Variants in TICRR observed in about 807,000 individuals in gnomAD.
TICRR encodes the protein TOPBP1 interacting checkpoint and replication regulator.
TICRR carries 132 observed loss-of-function variants against 178.1 expected under a neutral mutation model. The ratio of observed to expected loss-of-function variants is 0.74; its 90% CI spans 0.64 to 0.86. TICRR has a LOEUF of 0.86. Ranked by LOEUF, TICRR falls within the 40% of genes least tolerant of loss-of-function variation. The probability of loss-of-function intolerance (pLI) is 0.00; values close to 1 mark genes in which losing one functional copy is unlikely to be tolerated. For synonymous variants in TICRR, 991 were observed against 900.7 expected (o/e 1.10, Z -1.79); for missense variants, 2,587 against 2,334.3 (o/e 1.11, Z -2.23).
chr15:89,584,227 T>A, intron 2 of TICRR, 59 bp from the exon 3 acceptor site: 2 of 1,474,376 alleles, frequency 1.4e-6, no homozygotes, highest in Non-Finnish European at 1.8e-6. Context: ...ATATTGGAAT[T>A]TTAATCTTTT....
chr15:89,625,402 T>G lies in TICRR; in HGVS notation c.5092T>G (p.Ser1698Ala). 2.5e-6 allele frequency: 4 copies of G among 1,613,922 alleles called. No homozygotes were observed. The highest frequency in any genetic ancestry group is 3.4e-6 in the Non-Finnish European group (4 of 1,179,994). Residue 1698 changes from serine to alanine, a missense_variant, in exon 20 of 22, where the codon TCC becomes GCC. Ser to Ala is a moderately conservative substitution (Grantham distance 99). Transcript: ENST00000268138. ...GAGGGCGGTGGGCTGTGGCGCCGGCTCCTCTTCCGGGAGGGGCGAGGTCGG... is the reference window on the plus strand; with the variant it reads ...GAGGGCGGTGGGCTGTGGCGCCGGCGCCTCTTCCGGGAGGGGCGAGGTCGG... ...RKRAVGCGAG[S>A]SSGRGEVGAD...
chr15:89,619,619 T>C (rs1198029654), intron 17 of TICRR, 89 bp from the exon 18 acceptor site: 1 of 1,358,542 alleles, frequency 7.4e-7, no homozygotes, highest in Non-Finnish European at 1.0e-6. Flanking sequence ...TATGTGGTAC[T>C]ATGTAAATTT....
At chr15:89,599,179 C>CCCA in intron 7 of TICRR, 145 bp from the exon 8 acceptor site, 3 of 591,462 alleles carry the variant, frequency 5.1e-6, no homozygotes, top group Middle Eastern at 4.5e-4. Flanking sequence ...CACCCCCGCC[C>CCCA]CCACCACCAT....
At chr15:89,615,110 G>C (rs568671112) in intron 15 of TICRR, among the ~76,000 whole-genome samples, 1 of 152,244 alleles carries the variant, frequency 6.6e-6, no homozygotes, top group East Asian at 1.9e-4. Flanking sequence ...TAAACTTTTG[G>C]CCAGCTTGTT....
rs374157354 is a variant in TICRR, at chr15:89,575,770, G to T, written c.184G>T (p.Val62Leu). Residue 62 changes from valine (V) to leucine (L), a missense_variant, in exon 1 of 22, where the codon GTG (valine) becomes TTG (leucine). Coordinates refer to ENST00000268138, the MANE Select transcript of TICRR (RefSeq NM_152259.4). ...SQGARSRPSR[V>L]SDFRELGSRS... ...GGGGGCGCGGAGCCGGCCGTCCCGC[G>T]TGTCTGACTTCCGCGAGCTGGGGTC... 3 of 1,609,216 alleles carry T rather than the reference G, an allele frequency of 1.9e-6. No homozygotes were observed. Among genetic ancestry groups the T allele is most frequent in the Non-Finnish European group, 2.5e-6 (3 of 1,178,766 alleles).
chr15:89,582,757 C>A lies in TICRR; in HGVS notation c.726C>A (p.Val242=). The A allele has an allele frequency of 6.2e-7, 1 of 1,614,134 alleles. No homozygotes were observed. Among genetic ancestry groups the A allele is most frequent in the Non-Finnish European group, 8.5e-7 (1 of 1,179,974 alleles). The change falls in exon 2 of 22, where the codon GTC becomes GTA. Residue 242 remains valine, a synonymous_variant. Transcript: ENST00000268138. ...CELLHHGGGT[V]LPSESFSWDF... is the part of the protein sequence containing the mutation. ...TGCTCCACCACGGAGGTGGCACTGT[C>A]TTGCCATCTGAATCTTTCAGCTGGG...
At chr15:89,593,125 T>C (rs1483426606) in intron 5 of TICRR, among the ~76,000 whole-genome samples, 2 of 152,158 alleles carry the variant, frequency 1.3e-5, no homozygotes, top group African/African-American at 2.4e-5. Flanking sequence ...TCATATAAAC[T>C]TCAGAACCAG....
rs778579194 is a variant in TICRR, at chr15:89,582,977, A to G, written c.934+12A>G. Reference sequence around the variant, plus strand: ...TCTCCCTGTTGAAGGTAAGCAAATAATATTTTAAGGTTTTTTTTTTTTTAA... The same window carrying G: ...TCTCCCTGTTGAAGGTAAGCAAATAGTATTTTAAGGTTTTTTTTTTTTTAA... On this transcript the variant is annotated intron_variant, in intron 2 of 21. Coordinates refer to ENST00000268138, the MANE Select transcript of TICRR (RefSeq NM_152259.4). 6.3e-7 allele frequency: 1 copy of G among 1,582,832 alleles called. No individual in the cohort carries two copies.
At chr15:89,604,024 T>A (rs1963137112) in intron 13 of TICRR, among the ~76,000 whole-genome samples, 1 of 151,906 alleles carries the variant, frequency 6.6e-6, no homozygotes, top group Non-Finnish European at 1.5e-5. Flanking sequence ...GGACTTGAGG[T>A]TTTTATTGGT....
intron 15 of TICRR, among the ~76,000 whole-genome samples, chr15:89,611,887 T>C (rs1963261784): frequency 6.6e-6 from 1 of 152,220 alleles, no homozygotes; most frequent in African/African-American, 2.4e-5. Flanking sequence ...ATTAGTTTCT[T>C]ATATATGGTT....
chr15:89,614,121 T>C (rs1289500323), intron 15 of TICRR, among the ~76,000 whole-genome samples: 1 of 151,918 alleles, frequency 6.6e-6, no homozygotes, highest in East Asian at 1.9e-4. Context: ...GCCACTGCAC[T>C]CCAGCCTGGG....
intron 7 of TICRR, among the ~76,000 whole-genome samples, chr15:89,596,604 C>G (rs1963002625): frequency 6.6e-6 from 1 of 152,190 alleles, no homozygotes; most frequent in African/African-American, 2.4e-5. Context: ...GCTTCGGCCT[C>G]CTAAAGTGCT....
intron 4 of TICRR, among the ~76,000 whole-genome samples, chr15:89,590,668 C>A (rs2141957779): frequency 6.6e-6 from 1 of 152,252 alleles, no homozygotes; most frequent in Non-Finnish European, 1.5e-5. Context: ...CCTTCCTTGC[C>A]CATCTAGACG....
At chr15:89,597,810 A>G (rs1330145102) in intron 7 of TICRR, among the ~76,000 whole-genome samples, 1 of 152,224 alleles carries the variant, frequency 6.6e-6, no homozygotes, top group Non-Finnish European at 1.5e-5. Flanking sequence ...TAGAATCTAT[A>G]GATCAAATTG....
Position 89,596,299 on chromosome 15 carries a change from T to C in TICRR, c.1900+688T>C, listed in dbSNP as rs146403051. Reference sequence around the variant, plus strand: ...ATTTATGCCTTCCATCTCTCTCTCTTTAATTGCTCAATCTTGCTATAGAGT... The same window carrying C: ...ATTTATGCCTTCCATCTCTCTCTCTCTAATTGCTCAATCTTGCTATAGAGT... On this transcript the variant is annotated intron_variant, in intron 7 of 21. Coordinates refer to ENST00000268138, the MANE Select transcript of TICRR (RefSeq NM_152259.4). Among the ~76,000 whole-genome samples the C allele has an allele frequency of 2.6e-3, 395 of 152,296 alleles. 4 individuals carry two copies. Among genetic ancestry groups the C allele is most frequent in the African/African-American group, 9.0e-3 (373 of 41,572 alleles).
chr15:89,579,080 G>T (rs1359255546), intron 1 of TICRR, among the ~76,000 whole-genome samples: 2 of 152,170 alleles, frequency 1.3e-5, no homozygotes, highest in African/African-American at 4.8e-5. Flanking sequence ...TATTTGCAAA[G>T]ATATAGGACA....
chr15:89,580,634 T>G (rs1367789122), intron 1 of TICRR, among the ~76,000 whole-genome samples: 12 of 152,278 alleles, frequency 7.9e-5, no homozygotes, highest in Admixed American at 7.8e-4. Flanking sequence ...TTGTTTATCT[T>G]CATTACATGG....
At chr15:89,579,467 T>C (rs1433420110) in intron 1 of TICRR, among the ~76,000 whole-genome samples, 1 of 152,094 alleles carries the variant, frequency 6.6e-6, no homozygotes, top group Non-Finnish European at 1.5e-5. Context: ...TGCCTCAGCC[T>C]CCCGAGTAGC....
Position 89,627,421 on chromosome 15 carries a change from C to T in TICRR, c.*335C>T, listed in dbSNP as rs764949088. 2 of 285,300 alleles carry T rather than the reference C, an allele frequency of 7.0e-6. No individual in the cohort carries two copies. Among genetic ancestry groups the T allele is most frequent in the Admixed American group, 4.7e-5 (1 of 21,058 alleles). 17.7% of individuals were successfully genotyped at this position (285,300 alleles called of 1,614,324 possible). ...AGGGGGCCACTCTGCCTCATTTATG[C>T]AAATGGAGAAAGGCGCCCTCCCTGG... On this transcript the variant is annotated 3_prime_UTR_variant, in exon 22 of 22. Coordinates refer to ENST00000268138, the MANE Select transcript of TICRR (RefSeq NM_152259.4).
Sources: gnomAD v4.1 joint callset for allele counts (sites outside exome capture counted in the v4.1 genomes callset) on GRCh38, gnomAD v4.1.1 for gene constraint, MANE v1.5 for transcripts, NCBI Gene and HGNC (gene_info 2026-07-23, HGNC 2026-07-21) for gene names.